The following KANSL1L variants were observed in gnomAD, a reference collection of about 807,000 sequenced individuals.
KANSL1L encodes KAT8 regulatory NSL complex subunit 1 like.
KANSL1L carries 25 observed loss-of-function variants against 108.6 expected under a neutral mutation model. The ratio of observed to expected loss-of-function variants is 0.23; its 90% CI spans 0.17 to 0.32. The LOEUF (loss-of-function observed/expected upper bound fraction) is 0.32. Among genes scored for constraint, KANSL1L ranks in the 10% least tolerant of loss-of-function variants. KANSL1L has a pLI of 1.00. For missense variants in KANSL1L, 1,137 were observed against 1,125.7 expected (o/e 1.01, Z -0.14); for synonymous variants, 405 against 395.1 (o/e 1.03, Z -0.30).
intron 3 of KANSL1L, among the ~76,000 whole-genome samples, chr2:210,121,002 G>A (rs975144150): frequency 1.3e-5 from 2 of 152,130 alleles, no homozygotes; most frequent in Non-Finnish European, 2.9e-5. Context: ...AATAACAGAT[G>A]TTGGCAAGGT....
chr2:210,021,652 T>C lies in KANSL1L; in HGVS notation c.*1297A>G, dbSNP rs1212844659. The C allele has an allele frequency of 6.6e-6, 1 of 152,530 alleles. No individual in the cohort carries two copies. Among genetic ancestry groups the C allele is most frequent in the Non-Finnish European group, 1.5e-5 (1 of 67,962 alleles). 9.4% of individuals were successfully genotyped at this position (152,530 alleles called of 1,614,324 possible). On this transcript the variant is annotated 3_prime_UTR_variant, in exon 15 of 15. Transcript: ENST00000281772. The stretch of plus-strand genomic sequence containing the variant: ...TTTCCAATCTCTAACAAAAACTTAG[T>C]GTCAAATCTCACAGATAAGGCCAAA...
intron 6 of KANSL1L, among the ~76,000 whole-genome samples, chr2:210,063,425 C>A (rs943015252): frequency 2.6e-5 from 4 of 152,196 alleles, no homozygotes; most frequent in Admixed American, 1.3e-4. Flanking sequence ...CATTGTCCTT[C>A]AGACTCTAGA....
At chr2:210,129,320 T>A in intron 2 of KANSL1L, 148 bp from the exon 3 acceptor site, 1 of 627,038 alleles carries the variant, frequency 1.6e-6, no homozygotes, top group East Asian at 3.0e-5. Context: ...CAGATTGACT[T>A]CTTATCAAAG....
At chr2:210,168,005 A>G (rs1688088952) in intron 1 of KANSL1L, among the ~76,000 whole-genome samples, 1 of 152,070 alleles carries the variant, frequency 6.6e-6, no homozygotes, top group Non-Finnish European at 1.5e-5. Flanking sequence ...GAAATTATAT[A>G]TCTTCCTTGC....
At chr2:210,131,683 G>A (rs986057754) in intron 2 of KANSL1L, among the ~76,000 whole-genome samples, 2 of 151,446 alleles carry the variant, frequency 1.3e-5, no homozygotes, top group Admixed American at 1.3e-4. Context: ...CGCATCGGAC[G>A]CTTTGTGATA....
chr2:210,132,400 A>G (rs2125555084), intron 2 of KANSL1L, among the ~76,000 whole-genome samples: 1 of 152,264 alleles, frequency 6.6e-6, no homozygotes, highest in Admixed American at 6.5e-5. Flanking sequence ...AGACCACCAC[A>G]TGCTGACCAT....
chr2:210,075,156 AAT>A (rs1350495652), intron 6 of KANSL1L, among the ~76,000 whole-genome samples: 1 of 152,218 alleles, frequency 6.6e-6, no homozygotes, highest in African/African-American at 2.4e-5. Flanking sequence ...CTTCTTCCAA[AAT>A]AACTGACAGC....
rs779533363 is a variant in KANSL1L, at chr2:210,028,956, C to T, written c.2285G>A (p.Arg762Gln). 77 of 1,610,448 alleles carry T rather than the reference C, an allele frequency of 4.8e-5. No homozygotes were observed. In the Admixed American group the frequency reaches 5.0e-4, roughly 11 times the overall value. The change falls in exon 11 of 15, where the codon CGG becomes CAG. Residue 762 changes from arginine to glutamine, a missense_variant. Around this residue, in one of 3 missense-constraint regions of KANSL1L, gnomAD observed 575 missense variants for 567.1 expected, o/e 1.01. Transcript: ENST00000281772. ...ATAAGAGCTCTCACTTCTCAATCTCCGTCGTGCAGTATTCTGCAAAACAGG... is the reference window on the plus strand; with the variant it reads ...ATAAGAGCTCTCACTTCTCAATCTCTGTCGTGCAGTATTCTGCAAAACAGG... The part of the protein sequence containing the change: ...IQNSSRNTAR[R>Q]RLRSESSYDI...
At chr2:210,042,557 A>G (rs1408355346) in intron 7 of KANSL1L, among the ~76,000 whole-genome samples, 1 of 152,206 alleles carries the variant, frequency 6.6e-6, no homozygotes, top group Non-Finnish European at 1.5e-5. Flanking sequence ...TTATTAGCCG[A>G]GTAATCTTGG....
intron 6 of KANSL1L, among the ~76,000 whole-genome samples, chr2:210,062,019 G>A (rs1373699471): frequency 6.6e-6 from 1 of 152,090 alleles, no homozygotes; most frequent in Admixed American, 6.6e-5. Flanking sequence ...AAGTAAAATG[G>A]GGTATGAATA....
Position 210,043,971 on chromosome 2 carries a change from G to T in KANSL1L, c.1889C>A (p.Ser630Tyr), listed in dbSNP as rs145757342. The change falls in exon 7 of 15, where the codon TCC becomes TAC. Residue 630 changes from serine (S) to tyrosine (Y), a missense_variant. Transcript: ENST00000281772. ...LLREHVSELD[S>Y]SFHSVLSLPS... Reference sequence around the variant, plus strand: ...CAATGATAGAACAGAATGGAAAGAGGAATCTAACTCTGATACATGTTCTCT... The same window carrying T: ...CAATGATAGAACAGAATGGAAAGAGTAATCTAACTCTGATACATGTTCTCT... 3 of 1,598,616 alleles carry T rather than the reference G, an allele frequency of 1.9e-6. No homozygotes were observed. Among genetic ancestry groups the T allele is most frequent in the Non-Finnish European group, 2.6e-6 (3 of 1,172,598 alleles).
At chr2:210,036,911 C>G (rs2094110860) in intron 8 of KANSL1L, among the ~76,000 whole-genome samples, 1 of 151,952 alleles carries the variant, frequency 6.6e-6, no homozygotes, top group Non-Finnish European at 1.5e-5. Flanking sequence ...TGCACGCCAC[C>G]ATGCCCAGCT....
At chr2:210,133,747 TTC>T (rs2095148718) in intron 2 of KANSL1L, among the ~76,000 whole-genome samples, 1 of 152,178 alleles carries the variant, frequency 6.6e-6, no homozygotes, top group African/African-American at 2.4e-5. Context: ...TATGTCATGT[TTC>T]TAATATTATT....
At chr2:210,162,703 C>A (rs73984343) in intron 1 of KANSL1L, among the ~76,000 whole-genome samples, 1 of 107,812 alleles carries the variant, frequency 9.3e-6, no homozygotes, top group Non-Finnish European at 2.0e-5. Flanking sequence ...AGAGGAAGGA[C>A]GCTAAAAGAA....
rs538933255 is a variant in KANSL1L at position 210,129,699 on chromosome 2, T to C, written c.1089-527A>G. 8.5e-5 allele frequency among the ~76,000 whole-genome samples: 13 copies of C among 152,248 alleles called. No individual in the cohort carries two copies. In the South Asian group the frequency reaches 1.9e-3, roughly 22 times the overall value. ...TCATTTTTTAAAAGCTATCAAAAAT[T>C]ATAAAAAATATAAATGCTCTGCTAC... On this transcript the variant is annotated intron_variant, in intron 2 of 14. Coordinates refer to ENST00000281772, the MANE Select transcript of KANSL1L (RefSeq NM_152519.4).
intron 2 of KANSL1L, among the ~76,000 whole-genome samples, chr2:210,147,619 C>T (rs1421290050): frequency 6.6e-6 from 1 of 152,178 alleles, no homozygotes; most frequent in Non-Finnish European, 1.5e-5. Flanking sequence ...ATTCACTCAA[C>T]TTTTTGTTTT....
intron 3 of KANSL1L, 37 bp downstream of exon 3, chr2:210,128,991 CAAT>C: frequency 6.6e-7 from 1 of 1,515,852 alleles, no homozygotes; most frequent in Non-Finnish European, 9.0e-7. Flanking sequence ...AAAACATTAA[CAAT>C]TTTTAACAAA....
intron 3 of KANSL1L, among the ~76,000 whole-genome samples, chr2:210,111,468 CAGAGAAA>C (rs1052069367): frequency 6.6e-6 from 1 of 151,894 alleles, no homozygotes; most frequent in Non-Finnish European, 1.5e-5. Flanking sequence ...TAGTGGTTGC[CAGAGAAA>C]AGAGCCTGAA....
chr2:210,147,361 G>T (rs2095273073), intron 2 of KANSL1L, among the ~76,000 whole-genome samples: 1 of 152,162 alleles, frequency 6.6e-6, no homozygotes, highest in African/African-American at 2.4e-5. Flanking sequence ...ACTCAGGCAG[G>T]AAGGATCCCT....
Sources: allele counts gnomAD v4.1 joint callset (sites outside exome capture counted in the v4.1 genomes callset), GRCh38; gene constraint gnomAD v4.1.1; regional missense constraint gnomAD v4.1.1; transcripts MANE v1.5; gene names NCBI Gene and HGNC (gene_info 2026-07-23, HGNC 2026-07-21).